The following SHANK2 variants were observed in gnomAD, a reference collection of about 807,000 sequenced individuals.
The protein encoded by SHANK2 is SH3 and multiple ankyrin repeat domains 2, also known as SH3 and multiple ankyrin repeat domains protein 2.
Under a neutral mutation model 133.7 loss-of-function variants are expected in SHANK2, and 43 were observed. That is an observed-to-expected ratio of 0.32 (90% confidence interval 0.25 to 0.41). SHANK2 has a LOEUF of 0.41. SHANK2 is among the 10% of genes least tolerant of loss of function. The probability of loss-of-function intolerance (pLI) is 1.00; values close to 1 mark genes in which losing one functional copy is unlikely to be tolerated. For synonymous variants in SHANK2, 1,017 were observed against 952.8 expected, an observed-to-expected ratio of 1.07 and a Z score of -1.24; for missense variants, 1,994 against 2,235.8, an observed-to-expected ratio of 0.89 and a Z score of 2.18.
chr11:70,704,302 G>A (rs192332683), intron 14 of SHANK2, among the ~76,000 whole-genome samples: 16 of 152,366 alleles, frequency 1.1e-4, no homozygotes, highest in African/African-American at 3.6e-4. Flanking sequence ...AAAGAACTAG[G>A]AATGATGCAG....
chr11:70,735,609 CAGA>C (rs1946386980), intron 14 of SHANK2, among the ~76,000 whole-genome samples: 1 of 151,140 alleles, frequency 6.6e-6, no homozygotes, highest in African/African-American at 2.4e-5. Flanking sequence ...GAGGCTGAGG[CAGA>C]AGAATTGCTT....
intron 6 of SHANK2, among the ~76,000 whole-genome samples, chr11:71,099,631 A>C (rs1352456905): frequency 6.6e-6 from 1 of 152,222 alleles, no homozygotes. Context: ...TCCACAAGAA[A>C]GCAAACCACC....
At chr11:70,626,429 C>T (rs1422273577) in intron 17 of SHANK2, among the ~76,000 whole-genome samples, 1 of 152,198 alleles carries the variant, frequency 6.6e-6, no homozygotes, top group African/African-American at 2.4e-5. Context: ...GCCTGGTGCT[C>T]CTGGCTGATT....
chr11:71,061,019 T>C (rs1950980505), intron 9 of SHANK2, among the ~76,000 whole-genome samples: 1 of 152,228 alleles, frequency 6.6e-6, no homozygotes, highest in Admixed American at 6.5e-5. Context: ...AGCAAACGAA[T>C]CTTTCATTTC....
intron 17 of SHANK2, among the ~76,000 whole-genome samples, chr11:70,519,233 C>G (rs2059300872): frequency 6.6e-6 from 1 of 152,178 alleles, no homozygotes; most frequent in African/African-American, 2.4e-5. Flanking sequence ...GAAACTTTCC[C>G]TTTTCAACAC....
intron 3 of SHANK2, among the ~76,000 whole-genome samples, chr11:71,121,293 C>T (rs1396820603): frequency 1.3e-5 from 2 of 152,210 alleles, no homozygotes; most frequent in African/African-American, 4.8e-5. Context: ...ATGGGCTGAA[C>T]TGTGCCCCTC....
At chr11:70,760,626 A>C (rs1480643079) in intron 14 of SHANK2, among the ~76,000 whole-genome samples, 1 of 152,190 alleles carries the variant, frequency 6.6e-6, no homozygotes, top group Non-Finnish European at 1.5e-5. Flanking sequence ...CCTTGAGGGG[A>C]CTCGATGAAT....
At chr11:70,655,860 C>G (rs1431760861) in intron 17 of SHANK2, among the ~76,000 whole-genome samples, 1 of 152,082 alleles carries the variant, frequency 6.6e-6, no homozygotes, top group African/African-American at 2.4e-5. Flanking sequence ...TGTTGGGACC[C>G]CCGGCATCAC....
At chr11:70,933,268 A>C (rs1302906401) in intron 10 of SHANK2, 1 of 455,438 alleles carries the variant, frequency 2.2e-6, no homozygotes, top group Non-Finnish European at 4.4e-6. Context: ...CCAGTCACAA[A>C]AAGATGAATA....
intron 14 of SHANK2, among the ~76,000 whole-genome samples, chr11:70,786,136 C>T (rs782149970): frequency 2.0e-5 from 3 of 152,182 alleles, no homozygotes; most frequent in Non-Finnish European, 2.9e-5. Flanking sequence ...CTGGCACGGG[C>T]AGCACAGGGC....
chr11:71,169,904 T>C (rs1453238240), intron 2 of SHANK2, among the ~76,000 whole-genome samples: 2 of 152,196 alleles, frequency 1.3e-5, no homozygotes, highest in African/African-American at 4.8e-5. Context: ...TTCCATTTTA[T>C]AGAAATCATT....
chr11:70,948,390 C>T, intron 10 of SHANK2: 2 of 456,982 alleles, frequency 4.4e-6, no homozygotes, highest in Admixed American at 2.3e-5. Flanking sequence ...CGAGAAACTC[C>T]ATATGTACTG....
At chr11:70,715,172 C>T (rs1212977522) in intron 14 of SHANK2, among the ~76,000 whole-genome samples, 3 of 152,132 alleles carry the variant, frequency 2.0e-5, no homozygotes, top group Admixed American at 1.3e-4. Context: ...ATATTTTTTA[C>T]AATGCTACAC....
chr11:70,562,195 G>C (rs1310261194), intron 17 of SHANK2, among the ~76,000 whole-genome samples: 1 of 152,172 alleles, frequency 6.6e-6, no homozygotes, highest in Non-Finnish European at 1.5e-5. Flanking sequence ...AATTTATTGA[G>C]ACTTGTTTTA....
chr11:70,738,447 C>T (rs955722025), intron 14 of SHANK2, among the ~76,000 whole-genome samples: 1 of 152,204 alleles, frequency 6.6e-6, no homozygotes, highest in African/African-American at 2.4e-5. Flanking sequence ...CGAGCAGTAC[C>T]GTGGCTGAGG....
chr11:70,867,427 C>T (rs554545270), intron 11 of SHANK2, among the ~76,000 whole-genome samples: 8 of 152,144 alleles, frequency 5.3e-5, no homozygotes, highest in South Asian at 4.1e-4. Context: ...AGGCAAGAGC[C>T]GCTGTTAACA....
At chr11:70,955,312 A>G (rs1052423630) in intron 10 of SHANK2, among the ~76,000 whole-genome samples, 6 of 152,120 alleles carry the variant, frequency 3.9e-5, no homozygotes, top group African/African-American at 7.2e-5. Flanking sequence ...CCTGTATCCA[A>G]AAAACAGTGG....
intron 2 of SHANK2, among the ~76,000 whole-genome samples, chr11:71,165,212 T>G (rs534543323): frequency 6.6e-6 from 1 of 152,204 alleles, no homozygotes; most frequent in South Asian, 2.1e-4. Context: ...TTTGTATTTT[T>G]AGTAGAGACG....
chr11:70,585,559 T>C (rs1191908495), intron 17 of SHANK2, among the ~76,000 whole-genome samples: 1 of 152,120 alleles, frequency 6.6e-6, no homozygotes, highest in Non-Finnish European at 1.5e-5. Flanking sequence ...AGACATCCAT[T>C]CATCCATCCA....
Sources: gnomAD v4.1 joint callset for allele counts (sites outside exome capture counted in the v4.1 genomes callset) on GRCh38, gnomAD v4.1.1 for gene constraint, MANE v1.5 for transcripts, NCBI Gene and HGNC (gene_info 2026-07-23, HGNC 2026-07-21) for gene names.